The following SMPDL3B variants were observed in gnomAD, a reference collection of about 807,000 sequenced individuals.
SMPDL3B encodes acid sphingomyelinase-like phosphodiesterase 3b.
Under a neutral mutation model 37.9 loss-of-function variants are expected in SMPDL3B, and 31 were observed. The observed-to-expected ratio is 0.82, with a 90% confidence interval of 0.61 to 1.10. The LOEUF (loss-of-function observed/expected upper bound fraction) is 1.10, where lower values mean the gene tolerates loss of function less well. Among genes scored for constraint, SMPDL3B ranks in the 50% least tolerant of loss-of-function variants. SMPDL3B has a pLI of 0.00. For missense variants in SMPDL3B, 525 were observed against 597.8 expected (o/e 0.88, Z 1.27); for synonymous variants, 235 against 242.6 (o/e 0.97, Z 0.29).
In SMPDL3B at chr1:27,958,158, T is replaced by C. The variant is rs1638350761; in HGVS notation, c.1006-318T>C. Among the ~76,000 whole-genome samples, 1 of 152,208 alleles carries C rather than the reference T, an allele frequency of 6.6e-6. No homozygotes were observed. Among genetic ancestry groups the C allele is most frequent in the South Asian group, 2.1e-4 (1 of 4,834 alleles). On this transcript the variant is annotated intron_variant, in intron 7 of 7. Coordinates refer to ENST00000373894, the MANE Select transcript of SMPDL3B (RefSeq NM_014474.4). This position sits in a 1 kb window ranked among gnomAD's most constrained non-coding sequence, Gnocchi z 5.6. Reference sequence around the variant, plus strand: ...AGCGTCTTCTATGTGTACCCTAGCATGGTGGGACCTGGGGTAAACCTGGGG... The same window carrying C: ...AGCGTCTTCTATGTGTACCCTAGCACGGTGGGACCTGGGGTAAACCTGGGG...
chr1:27,935,248 CAGCA>C lies in SMPDL3B; in HGVS notation c.61+5_61+8del, dbSNP rs1557488513. 7 of 1,609,574 alleles carry C rather than the reference CAGCA, an allele frequency of 4.3e-6. No individual in the cohort carries two copies. In the South Asian group the frequency reaches 7.7e-5, roughly 18 times the overall value. ...GGAGGTGCCAGGGCTGAACCAGGTACAGCACTGGGAATGTCTGCTATGCCTTTGT... is the reference window on the plus strand; with the variant it reads ...GGAGGTGCCAGGGCTGAACCAGGTACCTGGGAATGTCTGCTATGCCTTTGT... On this transcript the variant is annotated splice_donor_5th_base_variant and intron_variant, in intron 1 of 7. Coordinates refer to ENST00000373894, the MANE Select transcript of SMPDL3B (RefSeq NM_014474.4).
chr1:27,935,272 C>G (rs757700882), intron 1 of SMPDL3B, 28 bp downstream of exon 1: 1 of 1,573,290 alleles, frequency 6.4e-7, no homozygotes, highest in South Asian at 1.1e-5. Context: ...TCTGCTATGC[C>G]TTTGTTTTGT....
chr1:27,945,442 C>A lies in SMPDL3B; in HGVS notation c.272C>A (p.Thr91Asn). The A allele has an allele frequency of 6.2e-7, 1 of 1,613,194 alleles. No individual in the cohort carries two copies. Among genetic ancestry groups the A allele is most frequent in the Non-Finnish European group, 8.5e-7 (1 of 1,179,132 alleles). ...CCAGAGCCAGACTTCATTCTCTGGA[C>A]TGGGTGAGTACAGTTGAGGTGGCAG... ...IEPEPDFILWTGDDTPHVPDE... is the reference protein window; with the variant it reads ...IEPEPDFILWNGDDTPHVPDE... Residue 91 changes from threonine (T) to asparagine (N), a missense_variant, in exon 2 of 8, where the codon ACT (threonine) becomes AAT (asparagine). Thr to Asn is a moderately conservative substitution (Grantham distance 65, BLOSUM62 0). Coordinates refer to ENST00000373894, the MANE Select transcript of SMPDL3B (RefSeq NM_014474.4). The surrounding 1 kb of genome is among the most constrained non-coding windows in gnomAD (Gnocchi z 4.0).
In SMPDL3B at chr1:27,945,555, C is replaced by A; in HGVS notation, c.275+110C>A. 1.1e-6 allele frequency: 1 copy of A among 907,318 alleles called. No individual in the cohort carries two copies. The highest frequency in any genetic ancestry group is 1.8e-6 in the Non-Finnish European group (1 of 571,092). The allele number at this position is 907,318 out of a possible 1,614,324, so 56.2% of individuals were successfully genotyped here. ...TCCCTTAATCCTCACATCAGTCTCA[C>A]GTGAGGCTGAGGAACCTAAAGCTCA... On this transcript the variant is annotated intron_variant, in intron 2 of 7. Coordinates refer to ENST00000373894, the MANE Select transcript of SMPDL3B (RefSeq NM_014474.4). The surrounding 1 kb of genome is among the most constrained non-coding windows in gnomAD (Gnocchi z 4.0).
Position 27,955,729 on chromosome 1 carries a change from C to A in SMPDL3B, c.736C>A (p.Gln246Lys). ...GCCCCCGGGGTTCTTTGAGAAGACGCAAAACAAGGCATGGTTCCGGGAGGG... is the reference window on the plus strand; with the variant it reads ...GCCCCCGGGGTTCTTTGAGAAGACGAAAAACAAGGCATGGTTCCGGGAGGG... ...HVPPGFFEKT[Q>K]NKAWFREGFN... Residue 246 changes from glutamine (Q) to lysine (K), a missense_variant, in exon 6 of 8, where the codon CAA (glutamine) becomes AAA (lysine). Physicochemically the swap from Gln to Lys is moderately conservative, Grantham distance 53. Coordinates refer to ENST00000373894, the MANE Select transcript of SMPDL3B (RefSeq NM_014474.4). The A allele has an allele frequency of 6.2e-7, 1 of 1,614,060 alleles. No individual in the cohort carries two copies. The highest frequency in any genetic ancestry group is 8.5e-7 in the Non-Finnish European group (1 of 1,180,004).
At chr1:27,949,446 C>T (rs1049197970) in intron 3 of SMPDL3B, among the ~76,000 whole-genome samples, 2 of 152,208 alleles carry the variant, frequency 1.3e-5, no homozygotes, top group African/African-American at 4.8e-5. Context: ...GAGCCCTTCT[C>T]CAGGTGTCTA....
At position 27,953,343 on chromosome 1, in the gene SMPDL3B, G is replaced by A. The variant is rs140461850; in HGVS notation, c.502G>A (p.Ala168Thr). 2.6e-4 allele frequency: 423 copies of A among 1,611,580 alleles called. 1 individual carries two copies. In the African/African-American group the frequency reaches 3.8e-3, roughly 14 times the overall value. Residue 168 changes from alanine to threonine, a missense_variant, in exon 4 of 8, where the codon GCT becomes ACT. Physicochemically the swap from Ala to Thr is moderately conservative, Grantham distance 58. Transcript: ENST00000373894. ...WKPWLSNESI[A>T]LFKKGAFYCE... is the part of the protein sequence containing the mutation. ...ACCCTGGCTTAGTAATGAGTCCATCGCTCTCTTCAAAAAAGGTACCAACAC... is the reference window on the plus strand; with the variant it reads ...ACCCTGGCTTAGTAATGAGTCCATCACTCTCTTCAAAAAAGGTACCAACAC...
At chr1:27,944,990 G>A in intron 1 of SMPDL3B, among the ~76,000 whole-genome samples, 1 of 152,182 alleles carries the variant, frequency 6.6e-6, no homozygotes, top group Non-Finnish European at 1.5e-5. Flanking sequence ...ATGTGGGGAG[G>A]AGGACGGGGC....
At position 27,958,251 on chromosome 1, in the gene SMPDL3B, T is replaced by C. The variant is rs1440302493; in HGVS notation, c.1006-225T>C. On this transcript the variant is annotated intron_variant, in intron 7 of 7. Transcript: ENST00000373894. This position sits in a 1 kb window ranked among gnomAD's most constrained non-coding sequence, Gnocchi z 5.6. ...GACCCTGGCCAAGTGAATTAACCTC[T>C]TTAGGCCTCAGTTTCCTCATTTGTG... Among the ~76,000 whole-genome samples, 1 of 152,204 alleles carries C rather than the reference T, an allele frequency of 6.6e-6. No homozygotes were observed. Among genetic ancestry groups the C allele is most frequent in the Non-Finnish European group, 1.5e-5 (1 of 68,030 alleles).
At chr1:27,951,378 G>A (rs1041741947) in intron 3 of SMPDL3B, among the ~76,000 whole-genome samples, 3 of 152,130 alleles carry the variant, frequency 2.0e-5, no homozygotes, top group Non-Finnish European at 4.4e-5. Context: ...GTACAGAGAG[G>A]TCGAGTAAGT....
rs1490423794 is a variant in SMPDL3B, at chr1:27,954,417, C to T, written c.581C>T (p.Thr194Ile). Residue 194 changes from threonine (T) to isoleucine (I), a missense_variant, in exon 5 of 8, where the codon ACC becomes ATC. Coordinates refer to ENST00000373894, the MANE Select transcript of SMPDL3B (RefSeq NM_014474.4). ...GCTGGGCGAATTGTGGTCCTCAACA[C>T]CAATCTGTACTATACCAGCAATGCG... ...SGAGRIVVLNTNLYYTSNALT... is the reference protein window; with the variant it reads ...SGAGRIVVLNINLYYTSNALT... 7 of 1,614,086 alleles carry T rather than the reference C, an allele frequency of 4.3e-6. No individual in the cohort carries two copies. Among genetic ancestry groups the T allele is most frequent in the Non-Finnish European group, 3.4e-6 (4 of 1,180,004 alleles).
intron 7 of SMPDL3B, among the ~76,000 whole-genome samples, chr1:27,957,994 C>T (rs1010311666): frequency 2.6e-5 from 4 of 152,126 alleles, no homozygotes; most frequent in African/African-American, 9.7e-5. Flanking sequence ...ACCTGGAACC[C>T]GCTGGACTGA....
chr1:27,946,503 C>T (rs190235112), intron 2 of SMPDL3B, among the ~76,000 whole-genome samples: 53 of 152,292 alleles, frequency 3.5e-4, no homozygotes, highest in African/African-American at 1.1e-3. Context: ...AAGGAGCTCA[C>T]GTTCTTGTGG....
chr1:27,956,046 G>C lies in SMPDL3B; in HGVS notation c.969G>C (p.Arg323=). The change falls in exon 7 of 8, where the codon CGG becomes CGC. Residue 323 remains arginine (R), a synonymous_variant. Transcript: ENST00000373894. ...VVNGANNPAI[R]VFEYDRATLS... ...ATGGGGCCAACAATCCAGCCATCCG[G>C]GTGTTCGAATATGACCGAGCCACAC... is the stretch of plus-strand genomic sequence containing the variant. 1 of 1,614,094 alleles carries C rather than the reference G, an allele frequency of 6.2e-7. No individual in the cohort carries two copies. The highest frequency in any genetic ancestry group is 8.5e-7 in the Non-Finnish European group (1 of 1,180,008).
At chr1:27,943,595 T>G (rs2090378160) in intron 1 of SMPDL3B, among the ~76,000 whole-genome samples, 1 of 152,122 alleles carries the variant, frequency 6.6e-6, no homozygotes, top group Non-Finnish European at 1.5e-5. Context: ...GAGGAAGTGA[T>G]TGCAATAGCA....
chr1:27,952,897 C>G (rs974677856), intron 3 of SMPDL3B, among the ~76,000 whole-genome samples: 11 of 152,216 alleles, frequency 7.2e-5, no homozygotes, highest in African/African-American at 2.4e-4. Flanking sequence ...CACTAAATTA[C>G]CAAGTGGCTG....
Position 27,958,135 on chromosome 1 carries a change from C to T in SMPDL3B, c.1006-341C>T, listed in dbSNP as rs1638350238. Among the ~76,000 whole-genome samples, 1 of 152,138 alleles carries T rather than the reference C, an allele frequency of 6.6e-6. No homozygotes were observed. Among genetic ancestry groups the T allele is most frequent in the African/African-American group, 2.4e-5 (1 of 41,404 alleles). On this transcript the variant is annotated intron_variant, in intron 7 of 7. Transcript: ENST00000373894. The surrounding 1 kb of genome is among the most constrained non-coding windows in gnomAD (Gnocchi z 5.6). The stretch of plus-strand genomic sequence containing the variant: ...ATTCATTATGTAAATATTTACTGAG[C>T]GTCTTCTATGTGTACCCTAGCATGG...
intron 1 of SMPDL3B, chr1:27,942,409 G>A: frequency 2.2e-6 from 1 of 462,048 alleles, no homozygotes; most frequent in Non-Finnish European, 4.5e-6. Context: ...GGGATGCCCA[G>A]CAACTCTGCC....
chr1:27,949,669 A>C (rs904680512), intron 3 of SMPDL3B, among the ~76,000 whole-genome samples: 1 of 152,140 alleles, frequency 6.6e-6, no homozygotes, highest in African/African-American at 2.4e-5. Flanking sequence ...CAGCAGCCCT[A>C]CGGGACACTA....
Sources: allele counts gnomAD v4.1 joint callset (sites outside exome capture counted in the v4.1 genomes callset), GRCh38; gene constraint gnomAD v4.1.1; non-coding constraint Gnocchi (gnomAD v3.1); transcripts MANE v1.5; gene names NCBI Gene and HGNC (gene_info 2026-07-23, HGNC 2026-07-21).